Variants in LRRC27 observed in about 807,000 individuals in gnomAD.
The protein encoded by LRRC27 is leucine rich repeat containing 27, also known as leucine-rich repeat-containing protein 27.
In LRRC27, 57 loss-of-function variants were observed where a neutral mutation model predicts 55.0. The ratio of observed to expected loss-of-function variants is 1.04; its 90% CI spans 0.84 to 1.29. The LOEUF (loss-of-function observed/expected upper bound fraction) is 1.29, where lower values mean the gene tolerates loss of function less well. Among genes scored for constraint, LRRC27 ranks in the 50% most tolerant of loss-of-function variants. LRRC27 has a pLI of 0.00. For missense variants in LRRC27, 721 were observed against 651.5 expected, an observed-to-expected ratio of 1.11 and a Z score of -1.16; for synonymous variants, 278 against 251.9, an observed-to-expected ratio of 1.10 and a Z score of -0.98.
Position 132,359,079 on chromosome 10 carries a change from G to A in LRRC27, c.1171-2378G>A, listed in dbSNP as rs866807754. On this transcript the variant is annotated intron_variant, in intron 8 of 10. Transcript: ENST00000368614. ...AGCCGAGGTGGTGGAGCAGCGTGGG[G>A]AGGAGCCGAGGTGATGGAGCAGTGT... Among the ~76,000 whole-genome samples, 8 of 51,270 alleles carry A rather than the reference G, an allele frequency of 1.6e-4. 3 individuals carry two copies. The highest frequency in any genetic ancestry group is 3.2e-4 in the Non-Finnish European group (7 of 21,722). The allele number at this position is 51,270 out of a possible 152,430, so 33.6% of individuals were successfully genotyped here.
intron 9 of LRRC27, among the ~76,000 whole-genome samples, chr10:132,362,244 C>G (rs2068657322): frequency 1.3e-5 from 2 of 152,176 alleles, no homozygotes; most frequent in South Asian, 2.1e-4. Flanking sequence ...GGCAGGCAGC[C>G]ACAGGCCCAT....
At chr10:132,330,481 G>T (rs1132165), upstream of LRRC27, 258,013 of 712,152 alleles carry the variant, frequency 0.36, 48,693 homozygotes, top group Middle Eastern at 0.4. Context: ...TGTGCTTTCA[G>T]CTTCCTGATT....
chr10:132,355,940 G>C, intron 8 of LRRC27, 54 bp downstream of exon 8: 1 of 1,246,224 alleles, frequency 8.0e-7, no homozygotes, highest in Non-Finnish European at 1.1e-6. Flanking sequence ...GGGGTGGGTG[G>C]GTGCTCACAG....
chr10:132,355,662 G>T, intron 7 of LRRC27, 128 bp from the exon 8 acceptor site: 4 of 660,416 alleles, frequency 6.1e-6, no homozygotes, highest in Middle Eastern at 2.7e-4. Flanking sequence ...CACCCGGAGG[G>T]CATGCACGCC....
intron 10 of LRRC27, among the ~76,000 whole-genome samples, chr10:132,368,786 A>G (rs2069153063): frequency 6.6e-6 from 1 of 152,262 alleles, no homozygotes; most frequent in African/African-American, 2.4e-5. Flanking sequence ...TCCATGACAG[A>G]AATAATTGAT....
upstream of LRRC27, chr10:132,330,314 GAA>G (rs374542507): frequency 1.2e-3 from 751 of 641,178 alleles, 3 homozygotes; most frequent in African/African-American, 0.012. Context: ...TTTTATTTGT[GAA>G]AAGAGATACT....
intron 3 of LRRC27, 147 bp downstream of exon 3, chr10:132,337,842 G>A: frequency 2.3e-6 from 2 of 851,214 alleles, no homozygotes; most frequent in South Asian, 1.8e-5. Context: ...CTAAGAGGTT[G>A]CGACGGCTGA....
Position 132,348,249 on chromosome 10 carries a change from G to T in LRRC27, c.819G>T (p.Val273=), listed in dbSNP as rs562416574. The change falls in exon 6 of 11, where the codon GTG becomes GTT. Residue 273 remains valine (V), a synonymous_variant. Transcript: ENST00000368614. This position sits in a 1 kb window ranked among gnomAD's most constrained non-coding sequence, Gnocchi z 4.2. ...TGAGGCAGGAGATTGTTGAGCACGTGAAGGCAGACGTTCTGGGAGATCAGC... is the reference window on the plus strand; with the variant it reads ...TGAGGCAGGAGATTGTTGAGCACGTTAAGGCAGACGTTCTGGGAGATCAGC... ...WKLRQEIVEH[V]KADVLGDQLL... is the part of the protein sequence containing the mutation. 1 of 1,614,098 alleles carries T rather than the reference G, an allele frequency of 6.2e-7. No individual in the cohort carries two copies. The highest frequency in any genetic ancestry group is 1.1e-5 in the South Asian group (1 of 91,082).
At chr10:132,344,458 G>T in intron 4 of LRRC27, 40 bp from the exon 5 acceptor site, 4 of 1,578,952 alleles carry the variant, frequency 2.5e-6, no homozygotes, top group Non-Finnish European at 3.5e-6. Flanking sequence ...TTCAAGAATG[G>T]TATATAGAAT....
Position 132,375,275 on chromosome 10 carries a change from AGACAGG to A in LRRC27, c.*34_*39del. 1 of 1,585,676 alleles carries A rather than the reference AGACAGG, an allele frequency of 6.3e-7. No homozygotes were observed. The highest frequency in any genetic ancestry group is 8.6e-7 in the Non-Finnish European group (1 of 1,162,606). On this transcript the variant is annotated 3_prime_UTR_variant, in exon 11 of 11. Coordinates refer to ENST00000368614, the MANE Select transcript of LRRC27 (RefSeq NM_030626.3). ...TGGCTGGACTGATGGAGACGTCTTCAGACAGGAGCCGCTCAGTCTTCTTTCCCGGGC... is the reference window on the plus strand; with the variant it reads ...TGGCTGGACTGATGGAGACGTCTTCAAGCCGCTCAGTCTTCTTTCCCGGGC...
intron 2 of LRRC27, among the ~76,000 whole-genome samples, chr10:132,334,544 T>C (rs1009298908): frequency 1.3e-5 from 2 of 152,210 alleles, no homozygotes; most frequent in Non-Finnish European, 2.9e-5. Context: ...CCTGGCCAGA[T>C]TGACATTTTT....
At chr10:132,360,975 G>A (rs547897222) in intron 8 of LRRC27, among the ~76,000 whole-genome samples, 8 of 152,208 alleles carry the variant, frequency 5.3e-5, no homozygotes, top group East Asian at 3.9e-4. Flanking sequence ...TCACGCCGCC[G>A]TTGGGGTGCT....
intron 5 of LRRC27, among the ~76,000 whole-genome samples, chr10:132,346,668 AAAAT>A (rs549182309): frequency 5.3e-5 from 8 of 152,322 alleles, no homozygotes; most frequent in Non-Finnish European, 8.8e-5. Flanking sequence ...CCGTCTTAAA[AAAAT>A]AAATAAATAA....
At chr10:132,365,656 C>T (rs2069043864) in intron 10 of LRRC27, 106 bp downstream of exon 10, 4 of 1,393,500 alleles carry the variant, frequency 2.9e-6, no homozygotes, top group Admixed American at 2.4e-5. Flanking sequence ...GGCTGGAGTG[C>T]GGTGGCACAA....
chr10:132,336,996 C>A, intron 2 of LRRC27: 1 of 923,392 alleles, frequency 1.1e-6, no homozygotes, highest in Non-Finnish European at 1.5e-6. Context: ...GACTTTACAA[C>A]GCCACCGAGT....
chr10:132,344,460 A>T, intron 4 of LRRC27, 38 bp from the exon 5 acceptor site: 1 of 1,583,452 alleles, frequency 6.3e-7, no homozygotes, highest in Non-Finnish European at 8.6e-7. Flanking sequence ...CAAGAATGGT[A>T]TATAGAATGC....
rs1465982416 is a variant in LRRC27 at position 132,348,998 on chromosome 10, T to C, written c.926+642T>C. ...CCTAGGAAACAGGCTCTGCAGAGAC[T>C]ACATGAGAGAAAAACTCGAATCATG... On this transcript the variant is annotated intron_variant, in intron 6 of 10. Coordinates refer to ENST00000368614, the MANE Select transcript of LRRC27 (RefSeq NM_030626.3). This position sits in a 1 kb window ranked among gnomAD's most constrained non-coding sequence, Gnocchi z 4.2. 1.2e-5 allele frequency: 19 copies of C among 1,611,112 alleles called. No homozygotes were observed. The highest frequency in any genetic ancestry group is 2.7e-5 in the African/African-American group (2 of 74,854).
chr10:132,337,540 T>G, intron 2 of LRRC27, 25 bp from the exon 3 acceptor site: 1 of 1,607,220 alleles, frequency 6.2e-7, no homozygotes, highest in Non-Finnish European at 8.5e-7. Flanking sequence ...AACAAAACAT[T>G]CTCTGATTCT....
chr10:132,364,001 T>C (rs2068777659), intron 9 of LRRC27, among the ~76,000 whole-genome samples: 1 of 151,890 alleles, frequency 6.6e-6, no homozygotes, highest in Non-Finnish European at 1.5e-5. Flanking sequence ...TCTTACATCC[T>C]CCAGGGAGTT....
Sources: gnomAD v4.1 joint callset for allele counts (sites outside exome capture counted in the v4.1 genomes callset) on GRCh38, gnomAD v4.1.1 for gene constraint, Gnocchi (gnomAD v3.1) non-coding constraint, MANE v1.5 for transcripts, NCBI Gene and HGNC (gene_info 2026-07-23, HGNC 2026-07-21) for gene names.